GALNT17: variants seen among roughly 807,000 people sequenced by gnomAD.
GALNT17 encodes the protein polypeptide N-acetylgalactosaminyltransferase 17, also known as UDP-GalNAc:polypeptide N-acetylgalactosaminyltransferase-like 3.
Under a neutral mutation model 63.7 loss-of-function variants are expected in GALNT17, and 29 were observed. That is an observed-to-expected ratio of 0.46 (90% CI 0.34 to 0.62). GALNT17 has a LOEUF of 0.62. Among genes scored for constraint, GALNT17 ranks in the 20% least tolerant of loss-of-function variants. The probability of loss-of-function intolerance (pLI) is 0.01; values close to 1 mark genes in which losing one functional copy is unlikely to be tolerated. For synonymous variants in GALNT17, 305 were observed against 318.3 expected (o/e 0.96, Z 0.45); for missense variants, 603 against 799.6 (o/e 0.75, Z 2.97).
intron 1 of GALNT17, among the ~76,000 whole-genome samples, chr7:71,303,866 AG>A (rs1332717523): frequency 6.6e-6 from 1 of 152,054 alleles, no homozygotes; most frequent in African/African-American, 2.4e-5. Flanking sequence ...TTTTCTCTGC[AG>A]GATCCAAATA....
intron 5 of GALNT17, among the ~76,000 whole-genome samples, chr7:71,483,909 C>T (rs962141043): frequency 3.3e-5 from 5 of 151,974 alleles, no homozygotes; most frequent in African/African-American, 1.2e-4. Flanking sequence ...AAGACACGAA[C>T]ACACACATTA....
chr7:71,663,117 T>C (rs528674191), intron 6 of GALNT17, among the ~76,000 whole-genome samples: 10 of 152,304 alleles, frequency 6.6e-5, no homozygotes, highest in South Asian at 4.1e-4. Context: ...TTGTATTAAA[T>C]TTTGAAATTG....
chr7:71,334,901 A>G (rs1791870830), intron 1 of GALNT17, among the ~76,000 whole-genome samples: 1 of 152,240 alleles, frequency 6.6e-6, no homozygotes, highest in Admixed American at 6.5e-5. Context: ...ATGAAGCAAA[A>G]GCATCTGCAG....
chr7:71,255,970 C>A (rs1036470259), intron 1 of GALNT17, among the ~76,000 whole-genome samples: 2 of 152,138 alleles, frequency 1.3e-5, no homozygotes, highest in Non-Finnish European at 2.9e-5. Context: ...TACCCTTCTG[C>A]CTTTTCAGAA....
At chr7:71,679,182 G>T (rs1038894987) in intron 9 of GALNT17, among the ~76,000 whole-genome samples, 1 of 151,930 alleles carries the variant, frequency 6.6e-6, no homozygotes, top group Non-Finnish European at 1.5e-5. Flanking sequence ...TGGCTGAGGC[G>T]GGAGGATTGC....
intron 1 of GALNT17, among the ~76,000 whole-genome samples, chr7:71,240,648 G>T (rs141514183): frequency 6.6e-6 from 1 of 151,636 alleles, no homozygotes; most frequent in Non-Finnish European, 1.5e-5. Context: ...TGGCGTATAC[G>T]TACCATATTT....
chr7:71,461,230 G>A lies in GALNT17; in HGVS notation c.962+40125G>A, dbSNP rs555239425. On this transcript the variant is annotated intron_variant, in intron 5 of 10. Coordinates refer to ENST00000333538, the MANE Select transcript of GALNT17 (RefSeq NM_022479.3). ...GTCCAGTAGTTGACACCGTAGACTTGTCAAGGGAAAGCCAAATGCACACAT... is the reference window on the plus strand; with the variant it reads ...GTCCAGTAGTTGACACCGTAGACTTATCAAGGGAAAGCCAAATGCACACAT... Among the ~76,000 whole-genome samples the A allele has an allele frequency of 1.5e-3, 192 of 125,830 alleles. 1 individual carries two copies. The highest frequency in any genetic ancestry group is 8.1e-3 in the Middle Eastern group (2 of 248). 82.5% of individuals were successfully genotyped at this position (125,830 alleles called of 152,430 possible). A position where few individuals can be genotyped will look rare whatever the true frequency, so the allele number is the denominator to read the frequency against.
intron 1 of GALNT17, among the ~76,000 whole-genome samples, chr7:71,293,275 A>G (rs1791018061): frequency 6.6e-6 from 1 of 152,292 alleles, no homozygotes; most frequent in South Asian, 2.1e-4. Context: ...GGGGGGAACC[A>G]CTATACTGTT....
At chr7:71,664,821 T>G (rs1790959552) in intron 6 of GALNT17, among the ~76,000 whole-genome samples, 1 of 152,098 alleles carries the variant, frequency 6.6e-6, no homozygotes, top group South Asian at 2.1e-4. Flanking sequence ...GCAGCTTAGG[T>G]TTATGGGCCT....
At chr7:71,670,918 A>C (rs1023576525) in intron 8 of GALNT17, among the ~76,000 whole-genome samples, 4 of 148,978 alleles carry the variant, frequency 2.7e-5, no homozygotes, top group Non-Finnish European at 5.9e-5. Context: ...GTGTGTGTGC[A>C]TGTGTGTGTA....
intron 5 of GALNT17, among the ~76,000 whole-genome samples, chr7:71,540,399 G>C (rs1172859307): frequency 2.0e-5 from 3 of 152,078 alleles, no homozygotes; most frequent in Admixed American, 6.5e-5. Flanking sequence ...TTACAGGTGT[G>C]AGCCACTGTG....
intron 6 of GALNT17, among the ~76,000 whole-genome samples, chr7:71,637,645 G>A (rs1313545747): frequency 2.0e-5 from 3 of 152,124 alleles, no homozygotes; most frequent in Non-Finnish European, 2.9e-5. Flanking sequence ...ACAGGGGCTT[G>A]CCAGGGAGGG....
chr7:71,490,658 G>A (rs74908078), intron 5 of GALNT17, among the ~76,000 whole-genome samples: 18,366 of 151,710 alleles, frequency 0.12, 1,765 homozygotes, highest in East Asian at 0.54. Flanking sequence ...ACAGTACTTC[G>A]GGAGGCTGAG....
At chr7:71,200,531 T>G (rs1271889376) in intron 1 of GALNT17, among the ~76,000 whole-genome samples, 1 of 152,236 alleles carries the variant, frequency 6.6e-6, no homozygotes, top group Non-Finnish European at 1.5e-5. Context: ...CCCTTCATCC[T>G]GCAAAAGTGT....
Position 71,550,811 on chromosome 7 carries a change from G to A in GALNT17, c.963-20474G>A, listed in dbSNP as rs746226181. Among the ~76,000 whole-genome samples, 11 of 151,922 alleles carry A rather than the reference G, an allele frequency of 7.2e-5. No homozygotes were observed. In the East Asian group the frequency reaches 1.2e-3, roughly 16 times the overall value. On this transcript the variant is annotated intron_variant, in intron 5 of 10. Transcript: ENST00000333538. ...AGATTTTAATTTTTTCATTATGATC[G>A]ATAATATTTTGATTTAAAGTTTTGT... is the stretch of plus-strand genomic sequence containing the variant.
At chr7:71,344,683 C>T (rs1412349181) in intron 2 of GALNT17, among the ~76,000 whole-genome samples, 5 of 151,918 alleles carry the variant, frequency 3.3e-5, no homozygotes, top group South Asian at 2.1e-4. Context: ...CAACTGTGTG[C>T]GAGACATTGC....
chr7:71,320,987 G>T (rs754547432), intron 1 of GALNT17, among the ~76,000 whole-genome samples: 2 of 152,244 alleles, frequency 1.3e-5, no homozygotes, highest in East Asian at 1.9e-4. Flanking sequence ...TAGCCCCTCC[G>T]ATTAGGAATA....
At chr7:71,328,817 T>C (rs1038894803) in intron 1 of GALNT17, among the ~76,000 whole-genome samples, 2 of 151,996 alleles carry the variant, frequency 1.3e-5, no homozygotes, top group African/African-American at 4.8e-5. Context: ...ATGGAAGCAA[T>C]AATGCCACAT....
At chr7:71,613,994 G>A (rs1438184571) in intron 6 of GALNT17, among the ~76,000 whole-genome samples, 1 of 151,950 alleles carries the variant, frequency 6.6e-6, no homozygotes, top group East Asian at 1.9e-4. Context: ...GGAGAGTCAA[G>A]AACTCTGATT....
Sources: gnomAD v4.1 joint callset for allele counts (sites outside exome capture counted in the v4.1 genomes callset) on GRCh38, gnomAD v4.1.1 for gene constraint, MANE v1.5 for transcripts, NCBI Gene and HGNC (gene_info 2026-07-23, HGNC 2026-07-21) for gene names.